Variants in LMOD1 observed in about 807,000 individuals in gnomAD.
The protein encoded by LMOD1 is leiomodin-1.
LMOD1 carries 8 observed loss-of-function variants against 36.5 expected under a neutral mutation model. That is an observed-to-expected ratio of 0.22 (90% CI 0.13 to 0.40). The LOEUF (loss-of-function observed/expected upper bound fraction) is 0.40, where lower values mean the gene tolerates loss of function less well. Among genes scored for constraint, LMOD1 ranks in the 10% least tolerant of loss-of-function variants. The pLI is 1.00. For missense variants in LMOD1, 630 were observed against 751.1 expected (o/e 0.84, Z 1.88); for synonymous variants, 284 against 288.7 (o/e 0.98, Z 0.17).
chr1:201,899,155 A>G lies in LMOD1; in HGVS notation c.1776+82T>C. The G allele has an allele frequency of 7.8e-7, 1 of 1,288,618 alleles. No individual in the cohort carries two copies. The highest frequency in any genetic ancestry group is 1.1e-6 in the Non-Finnish European group (1 of 950,156). The allele number at this position is 1,288,618 out of a possible 1,614,324, so 79.8% of individuals were successfully genotyped here. ...CTGCAGCCGACATAAGCTCCTCTGC[A>G]TGCCTTCCCTTTTGCAGTCCTACCC... On this transcript the variant is annotated intron_variant, in intron 2 of 2. Coordinates refer to ENST00000367288, the MANE Select transcript of LMOD1 (RefSeq NM_012134.3). The surrounding 1 kb of genome is among the most constrained non-coding windows in gnomAD (Gnocchi z 6.3).
intron 1 of LMOD1, among the ~76,000 whole-genome samples, chr1:201,936,225 C>T (rs1682016534): frequency 6.6e-6 from 1 of 151,804 alleles, no homozygotes; most frequent in African/African-American, 2.4e-5. Context: ...CATCTTTGAG[C>T]TCTCACCTGA....
At chr1:201,901,230 C>T (rs939132264) in intron 1 of LMOD1, among the ~76,000 whole-genome samples, 7 of 151,806 alleles carry the variant, frequency 4.6e-5, no homozygotes, top group Admixed American at 1.3e-4. Flanking sequence ...GAAGTCCGGG[C>T]GCGGTGGCTC....
chr1:201,926,588 A>G (rs1469110068), intron 1 of LMOD1, among the ~76,000 whole-genome samples: 1 of 152,250 alleles, frequency 6.6e-6, no homozygotes, highest in Non-Finnish European at 1.5e-5. Context: ...TTTTAGTGAC[A>G]TGGGAAAAGC....
At chr1:201,904,867 G>A (rs1210134110) in intron 1 of LMOD1, among the ~76,000 whole-genome samples, 2 of 152,194 alleles carry the variant, frequency 1.3e-5, no homozygotes, top group East Asian at 3.8e-4. Flanking sequence ...GTTGAGCTGA[G>A]CTCCTCGGAG....
At chr1:201,913,566 G>A (rs1681548440) in intron 1 of LMOD1, among the ~76,000 whole-genome samples, 1 of 152,114 alleles carries the variant, frequency 6.6e-6, no homozygotes, top group Non-Finnish European at 1.5e-5. Context: ...GAGATTGCAC[G>A]ACTGCACTCC....
At chr1:201,906,968 C>A (rs193172114) in intron 1 of LMOD1, among the ~76,000 whole-genome samples, 2 of 152,152 alleles carry the variant, frequency 1.3e-5, no homozygotes, top group East Asian at 3.9e-4. Flanking sequence ...GGGTAGGGGC[C>A]GTAATGCCTG....
chr1:201,945,501 GT>G lies in LMOD1; in HGVS notation c.261+578del, dbSNP rs146322007. Among the ~76,000 whole-genome samples the G allele has an allele frequency of 8.6e-3, 1,305 of 152,254 alleles. 22 individuals carry two copies. Among genetic ancestry groups the G allele is most frequent in the East Asian group, 0.064 (332 of 5,184 alleles). The stretch of plus-strand genomic sequence containing the variant: ...TGGGAATAAATTTGAAGCTTATCAG[GT>G]CTTTAAGCCACATTTCCCAGCCCAT... On this transcript the variant is annotated intron_variant, in intron 1 of 2. Transcript: ENST00000367288.
chr1:201,901,490 G>A (rs1571573691), intron 1 of LMOD1, among the ~76,000 whole-genome samples: 2 of 121,048 alleles, frequency 1.7e-5, no homozygotes, highest in East Asian at 2.2e-4. Context: ...CAACAAGAGC[G>A]AAACTCTGTC....
chr1:201,928,085 T>C (rs1346175821), intron 1 of LMOD1, among the ~76,000 whole-genome samples: 1 of 152,236 alleles, frequency 6.6e-6, no homozygotes, highest in Non-Finnish European at 1.5e-5. Flanking sequence ...TTCTGCCTAC[T>C]GCCATGGATT....
chr1:201,901,197 G>A (rs761808319), intron 1 of LMOD1, among the ~76,000 whole-genome samples: 6 of 151,938 alleles, frequency 3.9e-5, no homozygotes, highest in Admixed American at 3.3e-4. Flanking sequence ...TTTTGCATTC[G>A]TTTTATTTTT....
chr1:201,929,942 C>T (rs1424282074), intron 1 of LMOD1, among the ~76,000 whole-genome samples: 3 of 152,006 alleles, frequency 2.0e-5, no homozygotes, highest in Non-Finnish European at 4.4e-5. Context: ...TGGGGGGGTC[C>T]GGAAAGCCTC....
At chr1:201,909,781 G>A (rs1681463528) in intron 1 of LMOD1, among the ~76,000 whole-genome samples, 1 of 152,196 alleles carries the variant, frequency 6.6e-6, no homozygotes, top group African/African-American at 2.4e-5. Context: ...GTCCTCAGAT[G>A]ACTCTACAAC....
chr1:201,924,527 GGGAAGGAAGGAA>G (rs545600227), intron 1 of LMOD1, among the ~76,000 whole-genome samples: 1 of 86,048 alleles, frequency 1.2e-5, no homozygotes, highest in African/African-American at 4.4e-5. Flanking sequence ...GAGGGAGGAA[GGGAAGGAAGGAA>G]GGAAGGAAGC....
intron 1 of LMOD1, among the ~76,000 whole-genome samples, chr1:201,908,407 G>A (rs1345334788): frequency 6.6e-6 from 1 of 152,188 alleles, no homozygotes; most frequent in African/African-American, 2.4e-5. Context: ...AAGTGAGGAT[G>A]GAGTGCAAGT....
intron 1 of LMOD1, among the ~76,000 whole-genome samples, chr1:201,919,200 C>A (rs1681658202): frequency 6.8e-6 from 1 of 146,888 alleles, no homozygotes; most frequent in South Asian, 2.2e-4. Flanking sequence ...CAGTGTGTAT[C>A]TCTAAAAGAC....
Position 201,897,836 on chromosome 1 carries a change from T to C in LMOD1, c.*536A>G, listed in dbSNP as rs1358886681. 1 of 154,074 alleles carries C rather than the reference T, an allele frequency of 6.5e-6. No homozygotes were observed. Among genetic ancestry groups the C allele is most frequent in the Non-Finnish European group, 1.4e-5 (1 of 69,002 alleles). 9.5% of individuals were successfully genotyped at this position (154,074 alleles called of 1,614,324 possible). A position where few individuals can be genotyped will look rare whatever the true frequency, so the allele number is the denominator to read the frequency against. ...CATCCAGGCCACTGCCCCTGCCACATCCTCTAATTAGCCTGGACTTTGGGG... is the reference window on the plus strand; with the variant it reads ...CATCCAGGCCACTGCCCCTGCCACACCCTCTAATTAGCCTGGACTTTGGGG... On this transcript the variant is annotated 3_prime_UTR_variant, in exon 3 of 3. Coordinates refer to ENST00000367288, the MANE Select transcript of LMOD1 (RefSeq NM_012134.3).
rs571645323 is a variant in LMOD1, at chr1:201,910,879, C to G, written c.262-10128G>C. The stretch of plus-strand genomic sequence containing the variant: ...AAGCGATTCTCCTGCCTCAGCCTCC[C>G]GAATAGCTGGGATTACAGGTGTTCG... On this transcript the variant is annotated intron_variant, in intron 1 of 2. Transcript: ENST00000367288. Among the ~76,000 whole-genome samples the G allele has an allele frequency of 7.3e-5, 11 of 151,020 alleles. No individual in the cohort carries two copies. In the East Asian group the frequency reaches 2.1e-3, roughly 29 times the overall value.
chr1:201,928,258 A>T (rs549401924), intron 1 of LMOD1, among the ~76,000 whole-genome samples: 13 of 152,256 alleles, frequency 8.5e-5, no homozygotes, highest in Non-Finnish European at 1.9e-4. Flanking sequence ...GGAATTGAGG[A>T]TATAGTCTCT....
intron 1 of LMOD1, among the ~76,000 whole-genome samples, chr1:201,910,741 A>ATTTT (rs1454275213): frequency 3.1e-3 from 86 of 28,192 alleles, no homozygotes; most frequent in Admixed American, 4.6e-3. Context: ...AGATGGTGTC[A>ATTTT]TTCTTTTTTT....
Sources: allele counts gnomAD v4.1 joint callset (sites outside exome capture counted in the v4.1 genomes callset), GRCh38; gene constraint gnomAD v4.1.1; non-coding constraint Gnocchi (gnomAD v3.1); transcripts MANE v1.5; gene names NCBI Gene and HGNC (gene_info 2026-07-23, HGNC 2026-07-21).